Variants in SLC39A10 observed in about 807,000 individuals in gnomAD.
SLC39A10 encodes the protein solute carrier family 39 member 10, also known as zinc transporter ZIP10.
SLC39A10 carries 13 observed loss-of-function variants against 65.1 expected under a neutral mutation model. The observed-to-expected ratio is 0.20, with a 90% CI of 0.13 to 0.32. The LOEUF (loss-of-function observed/expected upper bound fraction) is 0.32, where lower values mean the gene tolerates loss of function less well. SLC39A10 is among the 10% of genes least tolerant of loss of function. The pLI is 1.00. For missense variants in SLC39A10, 831 were observed against 1,018.4 expected (o/e 0.82, Z 2.50); for synonymous variants, 321 against 342.2 (o/e 0.94, Z 0.68).
intron 2 of SLC39A10, among the ~76,000 whole-genome samples, chr2:195,633,414 G>T (rs2105698984): frequency 6.6e-6 from 1 of 152,360 alleles, no homozygotes; most frequent in East Asian, 1.9e-4. Context: ...GATGACCCCT[G>T]AAGCCCCAGA....
At chr2:195,689,297 C>T (rs560984096) in intron 3 of SLC39A10, among the ~76,000 whole-genome samples, 115 of 151,970 alleles carry the variant, frequency 7.6e-4, no homozygotes, top group African/African-American at 2.4e-3. Flanking sequence ...TGGTGCATGC[C>T]GGTGGTCCCA....
At chr2:195,657,679 G>A (rs965703157) in intron 1 of SLC39A10, 7 of 971,766 alleles carry the variant, frequency 7.2e-6, no homozygotes, top group Admixed American at 6.1e-5. Context: ...GCGGTTAGGG[G>A]GCTGCGCGCC....
At chr2:195,716,601 A>G in intron 6 of SLC39A10, 36 bp from the exon 7 acceptor site, 1 of 1,534,686 alleles carries the variant, frequency 6.5e-7, no homozygotes, top group Non-Finnish European at 8.7e-7. Flanking sequence ...CATGCATTTA[A>G]TTATTGATAA....
intron 8 of SLC39A10, among the ~76,000 whole-genome samples, chr2:195,726,268 A>G (rs1255249964): frequency 6.6e-6 from 1 of 152,200 alleles, no homozygotes; most frequent in Non-Finnish European, 1.5e-5. Flanking sequence ...TAAACGCATT[A>G]TTAAATTATA....
At chr2:195,699,771 A>G (rs1272590366) in intron 3 of SLC39A10, among the ~76,000 whole-genome samples, 1 of 152,026 alleles carries the variant, frequency 6.6e-6, no homozygotes, top group Non-Finnish European at 1.5e-5. Flanking sequence ...AGTGTTCCTT[A>G]TATGTATATT....
rs984571282 is a variant in SLC39A10 at position 195,657,744 on chromosome 2, A to G, written c.-12+463A>G. On this transcript the variant is annotated intron_variant, in intron 1 of 9. Coordinates refer to ENST00000359634, the MANE Select transcript of SLC39A10 (RefSeq NM_020342.3). ...GGCGAGGCTTTGGGGATCTGTAGGC[A>G]GGTCTTCGGGGGCTTGGCGACCAGC... The G allele has an allele frequency of 8.4e-6, 5 of 597,876 alleles. No homozygotes were observed. In the East Asian group the frequency reaches 7.1e-4, roughly 85 times the overall value. 37.0% of individuals were successfully genotyped at this position (597,876 alleles called of 1,614,324 possible). A position where few individuals can be genotyped will look rare whatever the true frequency, so the allele number is the denominator to read the frequency against.
chr2:195,624,395 G>GAAAA (rs35636489), intron 2 of SLC39A10, among the ~76,000 whole-genome samples: 1 of 65,972 alleles, frequency 1.5e-5, no homozygotes, highest in Non-Finnish European at 3.5e-5. Context: ...CTCAAATAAG[G>GAAAA]AAAAAAAAAA....
chr2:195,634,945 G>A (rs1255089530), intron 2 of SLC39A10, among the ~76,000 whole-genome samples: 1 of 152,172 alleles, frequency 6.6e-6, no homozygotes, highest in Non-Finnish European at 1.5e-5. Context: ...CTACTCGGGA[G>A]GCTAAGGCAG....
At chr2:195,635,326 A>G (rs565480775) in intron 2 of SLC39A10, among the ~76,000 whole-genome samples, 22 of 152,288 alleles carry the variant, frequency 1.4e-4, no homozygotes, top group African/African-American at 5.3e-4. Context: ...TCCAGAACTA[A>G]TTGGTAAGTA....
At chr2:195,624,149 G>A (rs1688410040) in intron 2 of SLC39A10, among the ~76,000 whole-genome samples, 1 of 152,084 alleles carries the variant, frequency 6.6e-6, no homozygotes, top group Non-Finnish European at 1.5e-5. Flanking sequence ...ACTTTGGGAG[G>A]CCGAGGCGGG....
chr2:195,690,173 G>GA (rs34116515), intron 3 of SLC39A10, among the ~76,000 whole-genome samples: 11,861 of 60,952 alleles, frequency 0.19, 3,249 homozygotes, highest in East Asian at 0.33. Context: ...GAGACTCTCT[G>GA]AAAAAAAAAA....
chr2:195,645,981 G>C (rs142422385), intron 2 of SLC39A10, among the ~76,000 whole-genome samples: 141 of 152,146 alleles, frequency 9.3e-4, no homozygotes, highest in African/African-American at 3.3e-3. Flanking sequence ...CTCACTCTGT[G>C]TCAAAAAAAA....
chr2:195,698,292 T>C (rs1691047626), intron 3 of SLC39A10, among the ~76,000 whole-genome samples: 1 of 152,162 alleles, frequency 6.6e-6, no homozygotes, highest in Non-Finnish European at 1.5e-5. Flanking sequence ...TACTTACTCC[T>C]TTCCAAATTG....
At chr2:195,700,541 A>T (rs575180512) in intron 3 of SLC39A10, among the ~76,000 whole-genome samples, 2 of 152,204 alleles carry the variant, frequency 1.3e-5, no homozygotes, top group South Asian at 4.1e-4. Context: ...CACACCTTTC[A>T]GGTTACTGTT....
chr2:195,636,626 G>A (rs1201863875), intron 2 of SLC39A10, among the ~76,000 whole-genome samples: 1 of 152,138 alleles, frequency 6.6e-6, no homozygotes, highest in Non-Finnish European at 1.5e-5. Flanking sequence ...GGTGGCGGGT[G>A]CCTGTAGTCC....
chr2:195,633,374 G>T (rs1688630586), intron 2 of SLC39A10, among the ~76,000 whole-genome samples: 3 of 152,244 alleles, frequency 2.0e-5, no homozygotes, highest in Admixed American at 2.0e-4. Flanking sequence ...CTCCATGTGG[G>T]ACCCGAGGCA....
intron 2 of SLC39A10, among the ~76,000 whole-genome samples, chr2:195,638,958 T>TG (rs996385857): frequency 4.7e-4 from 71 of 151,674 alleles, no homozygotes; most frequent in Non-Finnish European, 7.8e-4. Flanking sequence ...GGCAGTTTTT[T>TG]TTTTTGTTTT....
At chr2:195,681,089 C>T in intron 2 of SLC39A10, 39 bp downstream of exon 2, 1 of 1,554,310 alleles carries the variant, frequency 6.4e-7, no homozygotes, top group Non-Finnish European at 8.7e-7. Context: ...CTTCGTAATT[C>T]TCACATAATT....
At chr2:195,682,492 A>G (rs1244053632) in intron 2 of SLC39A10, among the ~76,000 whole-genome samples, 1 of 143,900 alleles carries the variant, frequency 6.9e-6, no homozygotes. Context: ...GGGTCTCACT[A>G]TATTGCCCAG....
Sources: gnomAD v4.1 joint callset for allele counts (sites outside exome capture counted in the v4.1 genomes callset) on GRCh38, gnomAD v4.1.1 for gene constraint, MANE v1.5 for transcripts, NCBI Gene and HGNC (gene_info 2026-07-23, HGNC 2026-07-21) for gene names.